Variants in ADAM10 observed in about 807,000 individuals in gnomAD.
ADAM10 encodes disintegrin and metalloproteinase domain-containing protein 10.
A neutral mutation model predicts 90.1 loss-of-function variants in ADAM10; 17 were observed. The ratio of observed to expected loss-of-function variants is 0.19; its 90% CI spans 0.13 to 0.28. The LOEUF (loss-of-function observed/expected upper bound fraction) is 0.28. Ranked by LOEUF, ADAM10 falls within the 10% of genes least tolerant of loss-of-function variation. ADAM10 has a pLI of 1.00. For missense variants in ADAM10, 610 were observed against 914.3 expected (o/e 0.67, Z 4.29); for synonymous variants, 310 against 298.6 (o/e 1.04, Z -0.40).
chr15:58,644,289 T>C (rs1217011055), intron 6 of ADAM10, among the ~76,000 whole-genome samples: 1 of 151,242 alleles, frequency 6.6e-6, no homozygotes, highest in Admixed American at 6.6e-5. Flanking sequence ...GAGTGCAGTG[T>C]TGCAATCTCG....
At chr15:58,714,282 T>TACATAC (rs1275280754) in intron 2 of ADAM10, among the ~76,000 whole-genome samples, 1 of 96,600 alleles carries the variant, frequency 1.0e-5, no homozygotes, top group Non-Finnish European at 2.0e-5. Context: ...TTAATACTTA[T>TACATAC]ACATACACAT....
At chr15:58,746,254 A>G (rs1595676006) in intron 1 of ADAM10, among the ~76,000 whole-genome samples, 2 of 152,200 alleles carry the variant, frequency 1.3e-5, no homozygotes, top group Non-Finnish European at 2.9e-5. Flanking sequence ...TATTAGACAC[A>G]CAAAAGGCAT....
At chr15:58,691,673 C>CT (rs1897803357) in intron 2 of ADAM10, 9 of 256,926 alleles carry the variant, frequency 3.5e-5, no homozygotes, top group Non-Finnish European at 3.6e-5. Flanking sequence ...GCCACTTCTT[C>CT]TTCTTTTTTT....
intron 1 of ADAM10, among the ~76,000 whole-genome samples, chr15:58,723,578 G>A (rs1159145308): frequency 1.3e-5 from 2 of 151,966 alleles, no homozygotes; most frequent in East Asian, 1.9e-4. Flanking sequence ...GGTGACTGAC[G>A]CCTGTAATCC....
At chr15:58,701,006 AAAAAAAAC>A (rs1483542562) in intron 2 of ADAM10, among the ~76,000 whole-genome samples, 1 of 124,684 alleles carries the variant, frequency 8.0e-6, no homozygotes, top group Non-Finnish European at 1.7e-5. Context: ...TTCCAACTTA[AAAAAAAAC>A]AAAAAAACAA....
At chr15:58,685,032 T>C (rs930206358) in intron 2 of ADAM10, among the ~76,000 whole-genome samples, 4 of 152,068 alleles carry the variant, frequency 2.6e-5, no homozygotes, top group Non-Finnish European at 4.4e-5. Flanking sequence ...ACAACAGAAC[T>C]AGTTAATTTG....
chr15:58,654,929 A>G (rs1013298481), intron 5 of ADAM10, among the ~76,000 whole-genome samples: 4 of 152,162 alleles, frequency 2.6e-5, no homozygotes, highest in African/African-American at 9.7e-5. Flanking sequence ...TATTCTTGAG[A>G]ATGATCCAGG....
rs34433784 is a variant in ADAM10 at position 58,696,702 on chromosome 15, T to TGA, written c.207-14390_207-14389dup. ...CTAGTCTCGAACTCCTGACCTCAGGTGATCCACCCACTTCAGCCTGGGAAA... is the reference window on the plus strand; with the variant it reads ...CTAGTCTCGAACTCCTGACCTCAGGTGAGATCCACCCACTTCAGCCTGGGAAA... On this transcript the variant is annotated intron_variant, in intron 2 of 15. Coordinates refer to ENST00000260408, the MANE Select transcript of ADAM10 (RefSeq NM_001110.4). 8.5e-3 allele frequency among the ~76,000 whole-genome samples: 1,300 copies of TGA among 152,198 alleles called. 14 individuals are homozygous for TGA. Among genetic ancestry groups the TGA allele is most frequent in the East Asian group, 0.021 (109 of 5,162 alleles).
At chr15:58,646,228 G>T in intron 5 of ADAM10, 24 bp from the exon 6 acceptor site, 1 of 1,606,136 alleles carries the variant, frequency 6.2e-7, no homozygotes, top group South Asian at 1.1e-5. Context: ...AGTCATTTCT[G>T]ACAATTAGTA....
intron 1 of ADAM10, among the ~76,000 whole-genome samples, chr15:58,720,394 ATTTTATTTTATTTT>A (rs1367912919): frequency 8.2e-5 from 12 of 145,800 alleles, no homozygotes; most frequent in East Asian, 2.0e-4. Flanking sequence ...ATTTTATTTT[ATTTTATTTTATTTT>A]TTTTTTTTTT....
intron 9 of ADAM10, among the ~76,000 whole-genome samples, chr15:58,632,304 C>T (rs1896125536): frequency 6.6e-6 from 1 of 152,076 alleles, no homozygotes; most frequent in African/African-American, 2.4e-5. Flanking sequence ...TAGAAAATGT[C>T]TATTTTTTCA....
chr15:58,637,579 T>C (rs551527838), intron 8 of ADAM10, among the ~76,000 whole-genome samples: 1 of 152,292 alleles, frequency 6.6e-6, no homozygotes, highest in African/African-American at 2.4e-5. Context: ...TTTATAACTC[T>C]TCTCTCTCAA....
chr15:58,726,979 A>G (rs1303779928), intron 1 of ADAM10, among the ~76,000 whole-genome samples: 5 of 151,616 alleles, frequency 3.3e-5, no homozygotes, highest in Admixed American at 2.0e-4. Context: ...ATGATCTAAC[A>G]TAACAATTAA....
At chr15:58,702,363 C>CA (rs781415455) in intron 2 of ADAM10, among the ~76,000 whole-genome samples, 5 of 151,948 alleles carry the variant, frequency 3.3e-5, no homozygotes, top group Non-Finnish European at 4.4e-5. Context: ...ACAATTAGAT[C>CA]GAAGTAAAAA....
At chr15:58,614,214 G>C (rs1180720113) in intron 11 of ADAM10, among the ~76,000 whole-genome samples, 1 of 152,020 alleles carries the variant, frequency 6.6e-6, no homozygotes, top group Non-Finnish European at 1.5e-5. Context: ...GAACTTGGAA[G>C]GCAGAGGTTG....
chr15:58,739,277 C>T (rs918609993), intron 1 of ADAM10, among the ~76,000 whole-genome samples: 4 of 150,514 alleles, frequency 2.7e-5, no homozygotes, highest in South Asian at 2.1e-4. Flanking sequence ...GAGGCCAAGG[C>T]AGGTGAATCA....
chr15:58,633,322 A>G lies in ADAM10; in HGVS notation c.1050T>C (p.Tyr350=), dbSNP rs753027938. ...TTAAGGACTTCTTCTTACCATCTGA[A>G]TAGAGTTTACTTTTTTCACATATTC... ...SGGICEKSKL[Y]SDGKKKSLNT... is the part of the protein sequence containing the mutation. The change falls in exon 9 of 16, where the codon TAT becomes TAC. Residue 350 remains tyrosine, a synonymous_variant. Coordinates refer to ENST00000260408, the MANE Select transcript of ADAM10 (RefSeq NM_001110.4). 8.1e-6 allele frequency: 13 copies of G among 1,613,730 alleles called. No individual in the cohort carries two copies. In the South Asian group the frequency reaches 1.4e-4, roughly 18 times the overall value.
At chr15:58,692,702 A>G (rs151189688) in intron 2 of ADAM10, 7 of 564,940 alleles carry the variant, frequency 1.2e-5, no homozygotes, top group Non-Finnish European at 2.1e-5. Flanking sequence ...TCAACATGTA[A>G]AGTGAAGGAA....
At chr15:58,615,315 A>T (rs1018185453) in intron 11 of ADAM10, among the ~76,000 whole-genome samples, 71 of 152,188 alleles carry the variant, frequency 4.7e-4, no homozygotes, top group African/African-American at 1.7e-3. Context: ...ATAATTATCA[A>T]AATGATAAGA....
Sources: gnomAD v4.1 joint callset for allele counts (sites outside exome capture counted in the v4.1 genomes callset) on GRCh38, gnomAD v4.1.1 for gene constraint, MANE v1.5 for transcripts, NCBI Gene and HGNC (gene_info 2026-07-23, HGNC 2026-07-21) for gene names.